Variants in SPIRE1 observed in about 807,000 individuals in gnomAD.
SPIRE1 encodes spire type actin nucleation factor 1, also known as protein spire homolog 1.
In SPIRE1, 40 loss-of-function variants were observed where a neutral mutation model predicts 94.1. That is an observed-to-expected ratio of 0.43 (90% CI 0.33 to 0.55). The LOEUF is 0.55. Ranked by LOEUF, SPIRE1 falls within the 20% of genes least tolerant of loss-of-function variation. The pLI is 0.06. For synonymous variants in SPIRE1, 376 were observed against 371.7 expected (o/e 1.01, Z -0.13); for missense variants, 838 against 975.2 (o/e 0.86, Z 1.87).
chr18:12,637,188 T>A (rs189998943), intron 1 of SPIRE1, among the ~76,000 whole-genome samples: 1 of 152,168 alleles, frequency 6.6e-6, no homozygotes, highest in Non-Finnish European at 1.5e-5. Context: ...TGAAACCTCA[T>A]CTCTATTAAA....
At chr18:12,618,480 A>C (rs989966686) in intron 2 of SPIRE1, among the ~76,000 whole-genome samples, 4 of 152,222 alleles carry the variant, frequency 2.6e-5, no homozygotes, top group Non-Finnish European at 5.9e-5. Flanking sequence ...GTTGCTGAAG[A>C]AAAATAAGCA....
At chr18:12,527,483 T>A (rs2034555694) in intron 4 of SPIRE1, among the ~76,000 whole-genome samples, 1 of 152,198 alleles carries the variant, frequency 6.6e-6, no homozygotes, top group African/African-American at 2.4e-5. Context: ...TGATGTAGGT[T>A]GTCTGGGCTT....
At chr18:12,518,308 C>A (rs763289811) in intron 4 of SPIRE1, among the ~76,000 whole-genome samples, 53 of 152,086 alleles carry the variant, frequency 3.5e-4, no homozygotes, top group Non-Finnish European at 6.3e-4. Flanking sequence ...CCACACTGGG[C>A]AACATTTTTA....
chr18:12,569,260 G>A (rs1010412918), intron 2 of SPIRE1, among the ~76,000 whole-genome samples: 4 of 151,374 alleles, frequency 2.6e-5, no homozygotes, highest in African/African-American at 9.7e-5. Flanking sequence ...GGAGAATGGC[G>A]TGAACCTGGG....
chr18:12,459,745 A>C (rs1461139658), intron 12 of SPIRE1: 2 of 985,718 alleles, frequency 2.0e-6, no homozygotes, highest in East Asian at 1.1e-4. Context: ...CCCAGCAGAA[A>C]GAGGCCAACC....
chr18:12,567,190 A>C (rs187726851), intron 2 of SPIRE1, among the ~76,000 whole-genome samples: 1 of 152,336 alleles, frequency 6.6e-6, no homozygotes, highest in Non-Finnish European at 1.5e-5. Context: ...GAACAAGTAG[A>C]ATTTGAAATT....
At chr18:12,578,960 G>A (rs567666844) in intron 2 of SPIRE1, among the ~76,000 whole-genome samples, 34 of 152,090 alleles carry the variant, frequency 2.2e-4, no homozygotes, top group African/African-American at 7.7e-4. Context: ...GCAATAATCA[G>A]CTACCTTGGA....
rs190061544 is a variant in SPIRE1, at chr18:12,501,463, C to T, written c.972+5014G>A. On this transcript the variant is annotated intron_variant, in intron 6 of 16. Coordinates refer to ENST00000409402, the MANE Select transcript of SPIRE1 (RefSeq NM_001128626.2). The stretch of plus-strand genomic sequence containing the variant: ...CCAGTGGCGCGATCTCAGCTAACTG[C>T]GACTGCGCCTCCCGAGTTCAAGCAA... Among the ~76,000 whole-genome samples the T allele has an allele frequency of 2.2e-4, 34 of 152,308 alleles. No individual in the cohort carries two copies. The South Asian group carries it at 3.1e-3, about 14-fold the overall frequency.
intron 1 of SPIRE1, among the ~76,000 whole-genome samples, chr18:12,645,209 C>A (rs1215159276): frequency 6.6e-6 from 1 of 152,142 alleles, no homozygotes; most frequent in Non-Finnish European, 1.5e-5. Flanking sequence ...ATTGAAACTG[C>A]ATCTTCTGTA....
intron 2 of SPIRE1, among the ~76,000 whole-genome samples, chr18:12,549,758 C>G (rs1244392215): frequency 6.6e-6 from 1 of 151,860 alleles, no homozygotes; most frequent in Non-Finnish European, 1.5e-5. Context: ...CAACCCTATC[C>G]TTCTTCCTAG....
upstream of SPIRE1, chr18:12,658,531 G>A (rs1273880922): frequency 2.1e-6 from 1 of 470,120 alleles, no homozygotes. Context: ...CCGGGTCACC[G>A]CCCTGCACAG....
chr18:12,615,542 C>CAAAAAAAAAAAAAAAAAAAAAAAAAAAA (rs71174108), intron 2 of SPIRE1, among the ~76,000 whole-genome samples: 1 of 75,790 alleles, frequency 1.3e-5, no homozygotes, highest in Non-Finnish European at 2.7e-5. Flanking sequence ...TCTATCTCCA[C>CAAAAAAAAAAAAAAAAAAAAAAAAAAAA]AAAAAAAAAA....
In SPIRE1 at chr18:12,452,318, T is replaced by C. The variant is rs746746069; in HGVS notation, c.1949A>G (p.Glu650Gly). Residue 650 changes from glutamate (E) to glycine (G), a missense_variant, in exon 16 of 17, where the codon GAA becomes GGA. Glu to Gly is a moderately conservative substitution (Grantham distance 98). Transcript: ENST00000409402. ...GGGTTTTTCTGACCTCATACTACTT[T>C]CCCCTCTTTGCAGAGCAGAAGGTCC... ...SLGPSALQRG[E>G]SSMRSEKPST... The C allele has an allele frequency of 6.2e-7, 1 of 1,613,886 alleles. No individual in the cohort carries two copies. Among genetic ancestry groups the C allele is most frequent in the Non-Finnish European group, 8.5e-7 (1 of 1,179,930 alleles).
chr18:12,518,019 T>C (rs1004024266), intron 4 of SPIRE1, among the ~76,000 whole-genome samples: 4 of 152,170 alleles, frequency 2.6e-5, no homozygotes, highest in Admixed American at 1.3e-4. Flanking sequence ...AACAAACTTT[T>C]AATTAATTGT....
rs116646246 is a variant in SPIRE1 at position 12,487,691 on chromosome 18, C to T, written c.1190-1691G>A. 5.4e-3 allele frequency among the ~76,000 whole-genome samples: 817 copies of T among 152,202 alleles called. 11 individuals are homozygous for T. Among genetic ancestry groups the T allele is most frequent in the African/African-American group, 0.016 (672 of 41,524 alleles). On this transcript the variant is annotated intron_variant, in intron 8 of 16. Coordinates refer to ENST00000409402, the MANE Select transcript of SPIRE1 (RefSeq NM_001128626.2). ...ACAGGCGTGAGCTACTGTGCCTGGC[C>T]TATCATTTCTTAAAAATGAAATTAT...
chr18:12,533,932 TACACACACACACACAC>T (rs10658152), intron 4 of SPIRE1, among the ~76,000 whole-genome samples: 1 of 144,418 alleles, frequency 6.9e-6, no homozygotes, highest in Non-Finnish European at 1.5e-5. Flanking sequence ...GCTAATCCAT[TACACACACACACACAC>T]ACACACACAC....
intron 10 of SPIRE1, among the ~76,000 whole-genome samples, chr18:12,466,543 G>C (rs931395286): frequency 1.3e-5 from 2 of 152,106 alleles, no homozygotes; most frequent in Admixed American, 1.3e-4. Context: ...GCCTCCCAAA[G>C]TGCTGGGATT....
Position 12,559,500 on chromosome 18 carries a change from G to T in SPIRE1, c.373-12596C>A, listed in dbSNP as rs536309651. Among the ~76,000 whole-genome samples, 7 of 152,300 alleles carry T rather than the reference G, an allele frequency of 4.6e-5. No homozygotes were observed. In the South Asian group the frequency reaches 1.5e-3, roughly 32 times the overall value. On this transcript the variant is annotated intron_variant, in intron 2 of 16. Transcript: ENST00000409402. This position sits in a 1 kb window ranked among gnomAD's most constrained non-coding sequence, Gnocchi z 4.7. ...CACCTCCCTGCAAGCAGAGGGAGCC[G>T]GCTCCGGCTTTGGCCAGCCCAGAGA...
chr18:12,557,156 GC>G (rs2035539690), intron 2 of SPIRE1, among the ~76,000 whole-genome samples: 1 of 152,228 alleles, frequency 6.6e-6, no homozygotes, highest in South Asian at 2.1e-4. Context: ...GCACTCCTCA[GC>G]CCTTGGGCAG....
Sources: allele counts gnomAD v4.1 joint callset (sites outside exome capture counted in the v4.1 genomes callset), GRCh38; gene constraint gnomAD v4.1.1; non-coding constraint Gnocchi (gnomAD v3.1); transcripts MANE v1.5; gene names NCBI Gene and HGNC (gene_info 2026-07-23, HGNC 2026-07-21).